The following CCDC14 variants were observed in gnomAD, a reference collection of about 807,000 sequenced individuals.
The protein encoded by CCDC14 is coiled-coil domain-containing protein 14.
A neutral mutation model predicts 81.4 loss-of-function variants in CCDC14; 71 were observed. The ratio of observed to expected loss-of-function variants is 0.87; its 90% CI spans 0.72 to 1.06. The LOEUF (loss-of-function observed/expected upper bound fraction) is 1.06. Ranked by LOEUF, CCDC14 falls within the 50% of genes least tolerant of loss-of-function variation. The pLI is 0.00. For missense variants in CCDC14, 1,046 were observed against 1,047.3 expected (o/e 1.00, Z 0.02); for synonymous variants, 332 against 364.8 (o/e 0.91, Z 1.03).
At chr3:123,903,438 T>C (rs1004551352) in intron 5 of CCDC14, among the ~76,000 whole-genome samples, 27 of 152,110 alleles carry the variant, frequency 1.8e-4, no homozygotes, top group African/African-American at 6.5e-4. Context: ...ACAACCTCTT[T>C]AGAAGGCAAT....
At chr3:123,929,123 G>A (rs2035554705) in intron 12 of CCDC14, among the ~76,000 whole-genome samples, 1 of 152,128 alleles carries the variant, frequency 6.6e-6, no homozygotes, top group Non-Finnish European at 1.5e-5. Flanking sequence ...CGGATTTTCT[G>A]CTTGGGGCTA....
intron 8 of CCDC14, 108 bp downstream of exon 8, chr3:123,946,695 C>A (rs769602013): frequency 1.2e-5 from 14 of 1,126,036 alleles, no homozygotes; most frequent in South Asian, 1.6e-5. Flanking sequence ...TAGCTCAAAA[C>A]ACAGTTCTAT....
chr3:123,900,926 T>C (rs2034165035), intron 5 of CCDC14, among the ~76,000 whole-genome samples: 1 of 152,068 alleles, frequency 6.6e-6, no homozygotes, highest in Non-Finnish European at 1.5e-5. Flanking sequence ...CTAGTAAAAC[T>C]ATAAAAAATA....
chr3:123,952,116 T>C (rs961211341), intron 5 of CCDC14, among the ~76,000 whole-genome samples: 1 of 152,244 alleles, frequency 6.6e-6, no homozygotes, highest in African/African-American at 2.4e-5. Flanking sequence ...ATTTTAGCTA[T>C]TGGTCTGGCA....
chr3:123,916,292 C>T (rs2034683751), intron 12 of CCDC14, among the ~76,000 whole-genome samples: 2 of 152,124 alleles, frequency 1.3e-5, no homozygotes, highest in African/African-American at 4.8e-5. Flanking sequence ...AGCCACCATA[C>T]CCAGCCGAGA....
chr3:123,930,135 G>A (rs2035612608), intron 12 of CCDC14, among the ~76,000 whole-genome samples: 1 of 152,134 alleles, frequency 6.6e-6, no homozygotes, highest in Non-Finnish European at 1.5e-5. Flanking sequence ...AATATCCTAT[G>A]AAATATAAAT....
At position 123,897,621 on chromosome 3, in the gene CCDC14, A is replaced by G. The variant is rs1008341707; in HGVS notation, c.668-8T>C. 8 of 1,170,552 alleles carry G rather than the reference A, an allele frequency of 6.8e-6. No homozygotes were observed. The African/African-American group carries it at 9.6e-5, about 14-fold the overall frequency. 72.5% of individuals were successfully genotyped at this position (1,170,552 alleles called of 1,614,324 possible). A position where few individuals can be genotyped will look rare whatever the true frequency, so the allele number is the denominator to read the frequency against. ...TCCACAGTTTTAAAAAGTCTGAAAG[A>G]ATAGAAATGACAACATAAATAAATA... On this transcript the variant is annotated splice_polypyrimidine_tract_variant and splice_region_variant and intron_variant, in intron 5 of 5. Coordinates refer to the CCDC14 transcript ENST00000479903.
intron 12 of CCDC14, among the ~76,000 whole-genome samples, chr3:123,926,581 A>T (rs964863119): frequency 4.1e-5 from 6 of 147,128 alleles, no homozygotes; most frequent in Admixed American, 1.4e-4. Context: ...ATTAATATTT[A>T]AAATATTATT....
At position 123,914,864 on chromosome 3, in the gene CCDC14, T is replaced by C. The variant is rs370937754; in HGVS notation, c.2633A>G (p.Gln878Arg). The C allele has an allele frequency of 7.4e-6, 12 of 1,611,946 alleles. No individual in the cohort carries two copies. In the African/African-American group the frequency reaches 9.3e-5, roughly 13 times the overall value. The change falls in exon 13 of 13, where the codon CAA becomes CGA. Residue 878 changes from glutamine to arginine, a missense_variant. By Grantham distance (43) the Gln-to-Arg change is conservative. Coordinates refer to ENST00000409697, the MANE Select transcript of CCDC14 (RefSeq NM_001366335.1). Reference protein sequence around the residue: ...SFSTFTSRDEQDFRNGLAALD... With the variant: ...SFSTFTSRDERDFRNGLAALD... ...TGCCGCAAGGCCATTTCTGAAGTCT[T>C]GTTCATCACGAGAAGTGAACGTTGA...
intron 12 of CCDC14, among the ~76,000 whole-genome samples, chr3:123,921,559 G>T (rs1036163174): frequency 6.6e-6 from 1 of 152,110 alleles, no homozygotes; most frequent in African/African-American, 2.4e-5. Flanking sequence ...GACTGAGTGG[G>T]GGATTTCAGT....
chr3:123,945,479 C>T lies in CCDC14; in HGVS notation c.1202-489G>A, dbSNP rs1577311258. Among the ~76,000 whole-genome samples, 5 of 152,132 alleles carry T rather than the reference C, an allele frequency of 3.3e-5. No individual in the cohort carries two copies. In the East Asian group the frequency reaches 9.6e-4, roughly 29 times the overall value. ...AGGGTCTGCTAAGATAGTTTCATTA[C>T]TTAATTTTCTAAAGTAGATTGAACA... On this transcript the variant is annotated intron_variant, in intron 8 of 12. Transcript: ENST00000409697.
chr3:123,906,994 A>C (rs1185281728), intron 5 of CCDC14, among the ~76,000 whole-genome samples: 1 of 152,154 alleles, frequency 6.6e-6, no homozygotes, highest in Non-Finnish European at 1.5e-5. Context: ...TTCTCTGCTC[A>C]GTGCTCTTGG....
chr3:123,906,369 TAAAA>T (rs1264306653), intron 5 of CCDC14, among the ~76,000 whole-genome samples: 11 of 126,094 alleles, frequency 8.7e-5, no homozygotes, highest in African/African-American at 3.3e-4. Context: ...AATAAATAAA[TAAAA>T]AAGAAAGATC....
chr3:123,955,765 A>G (rs2037286711), intron 5 of CCDC14, 78 bp downstream of exon 5: 2 of 1,258,532 alleles, frequency 1.6e-6, no homozygotes, highest in Middle Eastern at 2.8e-4. Context: ...ATGAAAATCA[A>G]CTGTATAATC....
intron 9 of CCDC14, among the ~76,000 whole-genome samples, chr3:123,942,778 T>C (rs1478783766): frequency 2.0e-5 from 3 of 152,092 alleles, no homozygotes; most frequent in Non-Finnish European, 4.4e-5. Flanking sequence ...TTGGCCTTGA[T>C]GGTCATCACT....
intron 5 of CCDC14, among the ~76,000 whole-genome samples, chr3:123,906,445 A>G (rs1479372768): frequency 6.6e-6 from 1 of 151,040 alleles, no homozygotes; most frequent in African/African-American, 2.4e-5. Flanking sequence ...AAAAAAGGAG[A>G]CATGAAAGTT....
intron 9 of CCDC14, among the ~76,000 whole-genome samples, chr3:123,938,792 A>G (rs1210397651): frequency 6.6e-6 from 1 of 151,958 alleles, no homozygotes; most frequent in African/African-American, 2.4e-5. Flanking sequence ...GGATTACATG[A>G]TTTTAATGGA....
chr3:123,931,018 A>G, intron 12 of CCDC14, 84 bp downstream of exon 12: 1 of 1,182,516 alleles, frequency 8.5e-7, no homozygotes, highest in Non-Finnish European at 1.2e-6. Context: ...ATGGGGGAGA[A>G]AACAGGTCTA....
At chr3:123,957,340 A>T (rs1329185029) in intron 1 of CCDC14, 2 of 152,204 alleles carry the variant, frequency 1.3e-5, no homozygotes, top group Non-Finnish European at 2.9e-5. Context: ...CTACTACACT[A>T]AGTTCAGACT....
Sources: gnomAD v4.1 joint callset for allele counts (sites outside exome capture counted in the v4.1 genomes callset) on GRCh38, gnomAD v4.1.1 for gene constraint, MANE v1.5 for transcripts, NCBI Gene and HGNC (gene_info 2026-07-23, HGNC 2026-07-21) for gene names.